SMIM31: variants seen among roughly 807,000 people sequenced by gnomAD.
SMIM31 encodes small integral membrane protein 31.
At chr4:164,756,816 T>C (rs1171110619) in intron 1 of SMIM31, among the ~76,000 whole-genome samples, 1 of 152,190 alleles carries the variant, frequency 6.6e-6, no homozygotes, top group East Asian at 1.9e-4. Context: ...ATGTAATTTG[T>C]GTATCCATTC....
intron 2 of SMIM31, among the ~76,000 whole-genome samples, chr4:164,799,157 G>C (rs887116422): frequency 1.3e-5 from 2 of 152,104 alleles, no homozygotes; most frequent in South Asian, 4.1e-4. Context: ...AGGCCAAAGA[G>C]GGTGGATCCC....
chr4:164,756,585 T>A lies in SMIM31; in HGVS notation c.-26+2174T>A, dbSNP rs77908187. On this transcript the variant is annotated intron_variant, in intron 1 of 2. Transcript: ENST00000507311. ...AGACTCTGTCTCAAAAAAAAAATAA[T>A]AATAATATAAACAAATAAAAAGATA... is the stretch of plus-strand genomic sequence containing the variant. 1.9e-3 allele frequency among the ~76,000 whole-genome samples: 231 copies of A among 119,032 alleles called. 3 individuals carry two copies. Among genetic ancestry groups the A allele is most frequent in the African/African-American group, 6.4e-3 (186 of 29,180 alleles). 78.1% of individuals were successfully genotyped at this position (119,032 alleles called of 152,430 possible).
At chr4:164,783,874 T>A (rs1172178152) in intron 2 of SMIM31, among the ~76,000 whole-genome samples, 1 of 152,180 alleles carries the variant, frequency 6.6e-6, no homozygotes, top group African/African-American at 2.4e-5. Context: ...TTTATATGAA[T>A]TTTCCTGTAA....
intron 2 of SMIM31, among the ~76,000 whole-genome samples, chr4:164,796,379 T>C (rs1405808142): frequency 5.3e-5 from 8 of 152,208 alleles, no homozygotes; most frequent in Non-Finnish European, 4.4e-5. Context: ...TATCAGTCCT[T>C]GTGTGCCTCC....
chr4:164,780,771 T>C (rs754287202), intron 2 of SMIM31, among the ~76,000 whole-genome samples: 5 of 152,212 alleles, frequency 3.3e-5, no homozygotes, highest in Non-Finnish European at 7.3e-5. Flanking sequence ...ACTACACATC[T>C]ATTAGAATGA....
intron 2 of SMIM31, among the ~76,000 whole-genome samples, chr4:164,787,039 C>T (rs1733033902): frequency 1.3e-5 from 2 of 152,118 alleles, no homozygotes; most frequent in Admixed American, 1.3e-4. Context: ...TGTTTAAGGA[C>T]AGCAACTTAA....
intron 1 of SMIM31, among the ~76,000 whole-genome samples, chr4:164,759,602 C>G (rs1461712853): frequency 2.0e-5 from 3 of 152,096 alleles, no homozygotes; most frequent in African/African-American, 7.2e-5. Flanking sequence ...CTAAAGATAT[C>G]CCTATCAATG....
chr4:164,772,208 C>T (rs980524749), intron 2 of SMIM31, among the ~76,000 whole-genome samples: 1 of 152,100 alleles, frequency 6.6e-6, no homozygotes, highest in Non-Finnish European at 1.5e-5. Flanking sequence ...GCATCTCACA[C>T]GGCCAAAGCA....
intron 1 of SMIM31, among the ~76,000 whole-genome samples, chr4:164,757,670 A>C (rs1732583611): frequency 6.6e-6 from 1 of 152,122 alleles, no homozygotes; most frequent in South Asian, 2.1e-4. Flanking sequence ...GTTTTCAAAA[A>C]AACATTTTCT....
At chr4:164,780,210 A>G (rs1464281898) in intron 2 of SMIM31, among the ~76,000 whole-genome samples, 1 of 152,146 alleles carries the variant, frequency 6.6e-6, no homozygotes, top group Non-Finnish European at 1.5e-5. Context: ...GGTGGATCAC[A>G]AGGTCAGGAG....
intron 2 of SMIM31, among the ~76,000 whole-genome samples, chr4:164,784,869 C>T (rs1021811661): frequency 6.7e-6 from 1 of 150,212 alleles, no homozygotes; most frequent in Admixed American, 6.7e-5. Context: ...ATCAGCCGCT[C>T]CCCAAGGTTT....
chr4:164,762,833 G>A (rs1341409601), intron 1 of SMIM31, among the ~76,000 whole-genome samples: 3 of 152,176 alleles, frequency 2.0e-5, no homozygotes, highest in Non-Finnish European at 4.4e-5. Context: ...TTGTGGGTGA[G>A]TTTATGTGAT....
In SMIM31 at chr4:164,758,067, T is replaced by C. The variant is rs906837009; in HGVS notation, c.-26+3656T>C. The stretch of plus-strand genomic sequence containing the variant: ...TCTCAATTTATTTAGATATTTTATT[T>C]CTCTCAGAAGTGTTTTGTAGTTTTA... On this transcript the variant is annotated intron_variant, in intron 1 of 2. Transcript: ENST00000507311. 2.4e-4 allele frequency among the ~76,000 whole-genome samples: 36 copies of C among 151,214 alleles called. 1 individual carries two copies. Among genetic ancestry groups the C allele is most frequent in the Admixed American group, 6.6e-5 (1 of 15,202 alleles).
chr4:164,794,998 C>T (rs1423208082), intron 2 of SMIM31, among the ~76,000 whole-genome samples: 1 of 151,810 alleles, frequency 6.6e-6, no homozygotes, highest in Non-Finnish European at 1.5e-5. Context: ...GAATAACTTT[C>T]ACTTCTTACT....
intron 2 of SMIM31, among the ~76,000 whole-genome samples, chr4:164,776,781 G>A (rs1413216049): frequency 2.0e-5 from 3 of 152,150 alleles, no homozygotes; most frequent in Non-Finnish European, 4.4e-5. Context: ...TATTTCTTTA[G>A]AGAAGCTCAA....
intron 1 of SMIM31, among the ~76,000 whole-genome samples, chr4:164,765,264 A>G (rs1220167817): frequency 1.3e-5 from 2 of 152,196 alleles, no homozygotes; most frequent in Non-Finnish European, 2.9e-5. Context: ...TCAAGTAGGA[A>G]CAGCATTGAC....
chr4:164,783,738 G>A (rs556360451), intron 2 of SMIM31, among the ~76,000 whole-genome samples: 4 of 152,024 alleles, frequency 2.6e-5, no homozygotes, highest in East Asian at 1.9e-4. Flanking sequence ...GCAACACAGC[G>A]AGACCACATC....
chr4:164,766,855 C>T (rs866221216), intron 1 of SMIM31, among the ~76,000 whole-genome samples: 5 of 151,680 alleles, frequency 3.3e-5, no homozygotes, highest in Middle Eastern at 3.4e-3. Flanking sequence ...AATAAAACTG[C>T]TGAGAACTTG....
intron 2 of SMIM31, among the ~76,000 whole-genome samples, chr4:164,796,934 T>C (rs1358127672): frequency 6.6e-6 from 1 of 152,234 alleles, no homozygotes; most frequent in Non-Finnish European, 1.5e-5. Context: ...GAGCCAAACG[T>C]CTTTCACCCA....
Sources: gnomAD v4.1 joint callset for allele counts (sites outside exome capture counted in the v4.1 genomes callset) on GRCh38, gnomAD v4.1.1 for gene constraint, MANE v1.5 for transcripts, NCBI Gene and HGNC (gene_info 2026-07-23, HGNC 2026-07-21) for gene names.